MAP4K1: variants seen among roughly 807,000 people sequenced by gnomAD.
MAP4K1 encodes mitogen-activated protein kinase kinase kinase kinase 1, also known as MAPK/ERK kinase kinase kinase 1.
A neutral mutation model predicts 122.8 loss-of-function variants in MAP4K1; 35 were observed. That is an observed-to-expected ratio of 0.29 (90% confidence interval 0.22 to 0.38). The LOEUF is 0.38. Among genes scored for constraint, MAP4K1 ranks in the 10% least tolerant of loss-of-function variants. The pLI is 1.00. For synonymous variants in MAP4K1, 412 were observed against 421.3 expected (o/e 0.98, Z 0.27); for missense variants, 791 against 1,072.6 (o/e 0.74, Z 3.67).
intron 22 of MAP4K1, among the ~76,000 whole-genome samples, chr19:38,599,334 T>G (rs1974990331): frequency 7.5e-5 from 8 of 107,240 alleles, no homozygotes; most frequent in South Asian, 2.8e-4. Flanking sequence ...GGCAACTGAG[T>G]GAGACTCGGT....
In MAP4K1 at chr19:38,597,206, ATCT is replaced by A; in HGVS notation, c.1838-72_1838-70del. ...CTCCTCGCCACCCACACTACCACCCATCTTCTGGGTTCTGGACACATTGCCTTA... is the reference window on the plus strand; with the variant it reads ...CTCCTCGCCACCCACACTACCACCCATCTGGGTTCTGGACACATTGCCTTA... On this transcript the variant is annotated intron_variant, in intron 24 of 30. Transcript: ENST00000396857. This position sits in a 1 kb window ranked among gnomAD's most constrained non-coding sequence, Gnocchi z 4.6. 1 of 1,594,510 alleles carries A rather than the reference ATCT, an allele frequency of 6.3e-7. No homozygotes were observed.
chr19:38,599,341 C>T (rs145528565), intron 22 of MAP4K1, among the ~76,000 whole-genome samples: 15 of 111,142 alleles, frequency 1.3e-4, no homozygotes, highest in South Asian at 6.0e-4. Context: ...GAGTGAGACT[C>T]GGTCTCAAAA....
chr19:38,609,029 C>T (rs767751076), intron 13 of MAP4K1, among the ~76,000 whole-genome samples: 15 of 151,924 alleles, frequency 9.9e-5, no homozygotes, highest in Non-Finnish European at 1.2e-4. Flanking sequence ...GTTGGGGGCT[C>T]AATGTAGTTA....
At chr19:38,601,380 C>T in intron 20 of MAP4K1, 61 bp downstream of exon 20, 1 of 1,465,626 alleles carries the variant, frequency 6.8e-7, no homozygotes, top group South Asian at 1.2e-5. Flanking sequence ...AGGCTTCTCC[C>T]CACCCCTACT....
chr19:38,605,750 G>C lies in MAP4K1; in HGVS notation c.1201-20C>G. 6.3e-7 allele frequency: 1 copy of C among 1,598,204 alleles called. No homozygotes were observed. Among genetic ancestry groups the C allele is most frequent in the Middle Eastern group, 1.7e-4 (1 of 6,008 alleles). ...CTTGGGCTTTGGAGACGGGAATGGA[G>C]CGTGGGGAAATACATCAGATGATCT... On this transcript the variant is annotated intron_variant, in intron 17 of 30. Transcript: ENST00000396857.
In MAP4K1 at chr19:38,599,669, GAAAA is replaced by G. The variant is rs11460234; in HGVS notation, c.1669+252_1669+255del. Among the ~76,000 whole-genome samples, 7 of 150,018 alleles carry G rather than the reference GAAAA, an allele frequency of 4.7e-5. 1 individual carries two copies. Among genetic ancestry groups the G allele is most frequent in the African/African-American group, 1.7e-4 (7 of 40,904 alleles). ...AGAGGGAGACTCTGTCTCAAAAAAA[GAAAA>G]AAAAAGACTAATTTATTGTAGAAAC... On this transcript the variant is annotated intron_variant, in intron 22 of 30. Transcript: ENST00000396857.
rs146151373 is a variant in MAP4K1 at position 38,609,735 on chromosome 19, G to A, written c.928-61C>T. 9.3e-3 allele frequency: 13,659 copies of A among 1,472,512 alleles called. 89 individuals carry two copies. The highest frequency in any genetic ancestry group is 0.019 in the South Asian group (1,544 of 81,166). 91.2% of individuals were successfully genotyped at this position (1,472,512 alleles called of 1,614,324 possible). Reference sequence around the variant, plus strand: ...CCCCAAGCAGCCTCCTACCCTGCCCGGGGTCCATCTGCTCTCTCCTGTAAC... The same window carrying A: ...CCCCAAGCAGCCTCCTACCCTGCCCAGGGTCCATCTGCTCTCTCCTGTAAC... On this transcript the variant is annotated intron_variant, in intron 12 of 30. Transcript: ENST00000396857.
rs1056420543 is a variant in MAP4K1, at chr19:38,596,438, T to A, written c.1990A>T (p.Thr664Ser). The A allele has an allele frequency of 6.3e-7, 1 of 1,588,974 alleles. No homozygotes were observed. ...GCGGGCAGCTCAGAGCCTGGCCCGGTCAGCAGCGCGAACACGGACAGAGGC... is the reference window on the plus strand; with the variant it reads ...GCGGGCAGCTCAGAGCCTGGCCCGGACAGCAGCGCGAACACGGACAGAGGC... ...PTPLSVFALL[T>S]GPGSELPAVC... The change falls in exon 26 of 31, where the codon ACC becomes TCC. Residue 664 changes from threonine to serine, a missense_variant. By Grantham distance (58) the Thr-to-Ser change is moderately conservative (BLOSUM62 1). This residue lies in a region of MAP4K1 where 267 missense variants were observed against 323.0 expected (regional missense o/e 0.83). Transcript: ENST00000396857.
chr19:38,593,315 G>A lies in MAP4K1; in HGVS notation c.2363C>T (p.Pro788Leu). 6.2e-7 allele frequency: 1 copy of A among 1,611,964 alleles called. No individual in the cohort carries two copies. The highest frequency in any genetic ancestry group is 8.5e-7 in the Non-Finnish European group (1 of 1,178,978). Residue 788 changes from proline (P) to leucine (L), a missense_variant, in exon 30 of 31, where the codon CCT (proline) becomes CTT (leucine). Coordinates refer to ENST00000396857, the MANE Select transcript of MAP4K1 (RefSeq NM_001042600.3). ...SDQLLQELRD[P>L]TLTFRLLGSP... Reference sequence around the variant, plus strand: ...GCCAAGCAGACGGAAAGTGAGGGTAGGGTCTCTCAGCTCCTGTAGCAGCTA... The same window carrying A: ...GCCAAGCAGACGGAAAGTGAGGGTAAGGTCTCTCAGCTCCTGTAGCAGCTA...
chr19:38,611,754 T>C (rs1241292914), intron 9 of MAP4K1, among the ~76,000 whole-genome samples: 2 of 152,134 alleles, frequency 1.3e-5, no homozygotes, highest in African/African-American at 4.8e-5. Context: ...CACTCCAGCC[T>C]GGGTGACAGA....
rs141276109 is a variant in MAP4K1, at chr19:38,594,814, A to C, written c.2340+671T>G. Among the ~76,000 whole-genome samples, 495 of 151,592 alleles carry C rather than the reference A, an allele frequency of 3.3e-3. 4 individuals carry two copies. The highest frequency in any genetic ancestry group is 0.011 in the African/African-American group (468 of 41,274). ...AAATTAGCTAAGCATGGCGGCATGC[A>C]CCTGTAGTCTCAGCTACTCAGGAGG... On this transcript the variant is annotated intron_variant, in intron 29 of 30. Coordinates refer to ENST00000396857, the MANE Select transcript of MAP4K1 (RefSeq NM_001042600.3).
At chr19:38,608,212 C>G in intron 13 of MAP4K1, 42 bp from the exon 14 acceptor site, 3 of 974,924 alleles carry the variant, frequency 3.1e-6, no homozygotes, top group South Asian at 4.2e-5. Context: ...GAGCTGGGGG[C>G]AAGGGGTAAC....
At chr19:38,611,395 C>T in intron 9 of MAP4K1, 90 bp from the exon 10 acceptor site, 3 of 857,196 alleles carry the variant, frequency 3.5e-6, no homozygotes, top group Non-Finnish European at 6.0e-6. Context: ...TTGTGGTCAG[C>T]AGAGGGCAAA....
intron 17 of MAP4K1, 39 bp downstream of exon 17, chr19:38,606,134 C>A (rs1034944622): frequency 6.5e-7 from 1 of 1,543,944 alleles, no homozygotes; most frequent in Non-Finnish European, 8.8e-7. Flanking sequence ...CCCAGTGGCC[C>A]TGAGGCCCCA....
At chr19:38,604,130 A>AAAAAAAC (rs1975252449) in intron 19 of MAP4K1, among the ~76,000 whole-genome samples, 1 of 120,924 alleles carries the variant, frequency 8.3e-6, no homozygotes, top group African/African-American at 3.5e-5. Context: ...TACTATCTCA[A>AAAAAAAC]AAAAAAAAAA....
chr19:38,598,638 T>C (rs1391893843), intron 22 of MAP4K1, among the ~76,000 whole-genome samples: 2 of 152,140 alleles, frequency 1.3e-5, no homozygotes, highest in Non-Finnish European at 2.9e-5. Context: ...CGTCCAGATT[T>C]TGAAATCTAT....
intron 19 of MAP4K1, 25 bp downstream of exon 19, chr19:38,605,384 A>G: frequency 1.3e-6 from 2 of 1,558,804 alleles, no homozygotes; most frequent in Non-Finnish European, 1.7e-6. Flanking sequence ...CAGAGGTGTA[A>G]GTCCTCAGCA....
intron 19 of MAP4K1, among the ~76,000 whole-genome samples, chr19:38,603,482 GATTA>G (rs947582332): frequency 2.6e-5 from 4 of 151,562 alleles, no homozygotes; most frequent in African/African-American, 7.3e-5. Context: ...ATATATGTAT[GATTA>G]ATTATGCTAT....
intron 19 of MAP4K1, chr19:38,601,787 G>T (rs899279224): frequency 9.2e-6 from 4 of 432,666 alleles, no homozygotes; most frequent in African/African-American, 4.3e-5. Context: ...ATCAGCATTT[G>T]TTTTTTTTAA....
Sources: allele counts gnomAD v4.1 joint callset (sites outside exome capture counted in the v4.1 genomes callset), GRCh38; gene constraint gnomAD v4.1.1; regional missense constraint gnomAD v4.1.1; non-coding constraint Gnocchi (gnomAD v3.1); transcripts MANE v1.5; gene names NCBI Gene and HGNC (gene_info 2026-07-23, HGNC 2026-07-21).